SORCS3: variants seen among roughly 807,000 people sequenced by gnomAD.
SORCS3 encodes sortilin related VPS10 domain containing receptor 3, also known as VPS10 domain-containing receptor SorCS3.
In SORCS3, 57 loss-of-function variants were observed where a neutral mutation model predicts 146.3. The ratio of observed to expected loss-of-function variants is 0.39; its 90% confidence interval spans 0.31 to 0.49. The LOEUF (loss-of-function observed/expected upper bound fraction) is 0.49. Ranked by LOEUF, SORCS3 falls within the 20% of genes least tolerant of loss-of-function variation. The pLI, the probability that SORCS3 is intolerant of heterozygous loss-of-function variation, is 0.92. For missense variants in SORCS3, 1,341 were observed against 1,575.5 expected, an observed-to-expected ratio of 0.85 and a Z score of 2.52; for synonymous variants, 653 against 618.5, an observed-to-expected ratio of 1.06 and a Z score of -0.83.
Position 105,234,162 on chromosome 10 carries a change from T to A in SORCS3, c.2868+10913T>A, listed in dbSNP as rs1026425167. The stretch of plus-strand genomic sequence containing the variant: ...TGCAGGGTACGGAATTCTAGATTGG[T>A]GGTGTTTTTTTCCCTCAACCCTTTA... On this transcript the variant is annotated intron_variant, in intron 20 of 26. Coordinates refer to ENST00000369701, the MANE Select transcript of SORCS3 (RefSeq NM_014978.3). Among the ~76,000 whole-genome samples the A allele has an allele frequency of 3.3e-5, 5 of 152,200 alleles. No individual in the cohort carries two copies. The East Asian group carries it at 9.6e-4, about 29-fold the overall frequency.
chr10:104,768,199 C>G (rs1212634341), intron 1 of SORCS3, among the ~76,000 whole-genome samples: 1 of 152,208 alleles, frequency 6.6e-6, no homozygotes, highest in Non-Finnish European at 1.5e-5. Context: ...TGCACAGAAT[C>G]TAACTCCATA....
intron 3 of SORCS3, among the ~76,000 whole-genome samples, chr10:104,930,608 C>G (rs534257994): frequency 6.6e-6 from 1 of 152,294 alleles, no homozygotes; most frequent in Non-Finnish European, 1.5e-5. Flanking sequence ...AGTAAATAGC[C>G]TTTGGAAAAT....
intron 1 of SORCS3, among the ~76,000 whole-genome samples, chr10:104,827,614 G>A (rs1272091476): frequency 6.6e-6 from 1 of 152,118 alleles, no homozygotes; most frequent in Non-Finnish European, 1.5e-5. Flanking sequence ...AAGGGCCCTA[G>A]GATTTTTGGA....
intron 1 of SORCS3, among the ~76,000 whole-genome samples, chr10:104,832,058 T>G (rs1157332616): frequency 6.6e-6 from 1 of 152,226 alleles, no homozygotes; most frequent in African/African-American, 2.4e-5. Flanking sequence ...GTATTTCTTT[T>G]GCCCTTAGCA....
intron 14 of SORCS3, among the ~76,000 whole-genome samples, chr10:105,181,340 G>A (rs2056441512): frequency 6.6e-6 from 1 of 152,152 alleles, no homozygotes; most frequent in Admixed American, 6.5e-5. Context: ...ATGGGGGCTG[G>A]GGTTGGATAG....
intron 1 of SORCS3, among the ~76,000 whole-genome samples, chr10:104,830,030 G>A (rs751507502): frequency 7.2e-5 from 11 of 152,124 alleles, no homozygotes; most frequent in East Asian, 1.9e-4. Flanking sequence ...TTAGGTATTC[G>A]TCCTAATGTT....
In SORCS3 at chr10:104,842,782, C is replaced by G; in HGVS notation, c.628-10C>G. The G allele has an allele frequency of 6.2e-7, 1 of 1,612,792 alleles. No individual in the cohort carries two copies. Among genetic ancestry groups the G allele is most frequent in the Non-Finnish European group, 8.5e-7 (1 of 1,178,900 alleles). On this transcript the variant is annotated splice_polypyrimidine_tract_variant and intron_variant, in intron 1 of 26. Coordinates refer to ENST00000369701, the MANE Select transcript of SORCS3 (RefSeq NM_014978.3). The stretch of plus-strand genomic sequence containing the variant: ...TCCTCTCCTTTGCCCTTATCCCCAA[C>G]CCCTTGCAGGTCATACTTATCCTGA...
At chr10:105,075,651 C>T (rs183958857) in intron 5 of SORCS3, among the ~76,000 whole-genome samples, 4 of 152,106 alleles carry the variant, frequency 2.6e-5, no homozygotes, top group South Asian at 2.1e-4. Context: ...AGAAGGGGGG[C>T]GAGAAGGGGT....
chr10:104,735,143 G>A (rs1408681149), intron 1 of SORCS3, among the ~76,000 whole-genome samples: 1 of 152,172 alleles, frequency 6.6e-6, no homozygotes, highest in Admixed American at 6.5e-5. Context: ...GTTCCCTGCC[G>A]CTTGCCTTTC....
chr10:104,789,932 T>C (rs1378395574), intron 1 of SORCS3, among the ~76,000 whole-genome samples: 1 of 152,216 alleles, frequency 6.6e-6, no homozygotes, highest in Non-Finnish European at 1.5e-5. Flanking sequence ...ATTCAGGACT[T>C]TCTCTTCCTC....
At chr10:105,037,289 C>T (rs2055312965) in intron 4 of SORCS3, among the ~76,000 whole-genome samples, 2 of 152,226 alleles carry the variant, frequency 1.3e-5, no homozygotes, top group Non-Finnish European at 2.9e-5. Flanking sequence ...ATTGCTGTCT[C>T]TCTCCAGACT....
chr10:105,158,151 G>A (rs916178513), intron 10 of SORCS3, among the ~76,000 whole-genome samples: 1 of 152,108 alleles, frequency 6.6e-6, no homozygotes, highest in Admixed American at 6.6e-5. Context: ...ATTGGTCACA[G>A]CATGCATTTT....
At chr10:105,150,544 C>T (rs554307008) in intron 9 of SORCS3, among the ~76,000 whole-genome samples, 25 of 152,082 alleles carry the variant, frequency 1.6e-4, no homozygotes, top group African/African-American at 5.1e-4. Context: ...GCATTCCAAA[C>T]GTAGGAATGG....
At chr10:104,855,629 C>T (rs12259189) in intron 2 of SORCS3, among the ~76,000 whole-genome samples, 27,588 of 152,056 alleles carry the variant, frequency 0.18, 5,678 homozygotes, top group African/African-American at 0.51. Context: ...TTTATTGCAA[C>T]TGACCAGAAA....
intron 14 of SORCS3, among the ~76,000 whole-genome samples, chr10:105,194,792 G>T (rs548633863): frequency 1.7e-4 from 26 of 152,118 alleles, no homozygotes; most frequent in African/African-American, 6.3e-4. Flanking sequence ...CTAGATTGAT[G>T]GTCTGGGTAA....
At chr10:104,977,215 C>G (rs2054904256) in intron 3 of SORCS3, 120 bp from the exon 4 acceptor site, 1 of 680,770 alleles carries the variant, frequency 1.5e-6, no homozygotes, top group Non-Finnish European at 2.1e-6. Context: ...TTACAGAGGC[C>G]CAGATGCTCC....
chr10:105,061,197 T>C (rs1322190348), intron 5 of SORCS3, among the ~76,000 whole-genome samples: 1 of 152,070 alleles, frequency 6.6e-6, no homozygotes, highest in Non-Finnish European at 1.5e-5. Flanking sequence ...GTATCATTTC[T>C]CCCAGGGTAA....
intron 16 of SORCS3, among the ~76,000 whole-genome samples, chr10:105,206,983 C>T (rs1330097186): frequency 6.6e-6 from 1 of 152,056 alleles, no homozygotes; most frequent in East Asian, 1.9e-4. Flanking sequence ...GGTCTGAGAG[C>T]CCCTGCAGCT....
chr10:104,965,519 AT>A (rs1424895948), intron 3 of SORCS3, among the ~76,000 whole-genome samples: 2 of 152,144 alleles, frequency 1.3e-5, no homozygotes, highest in Non-Finnish European at 2.9e-5. Flanking sequence ...TGGCTGCACC[AT>A]TTTTTGTTCC....
Sources: allele counts gnomAD v4.1 joint callset (sites outside exome capture counted in the v4.1 genomes callset), GRCh38; gene constraint gnomAD v4.1.1; transcripts MANE v1.5; gene names NCBI Gene and HGNC (gene_info 2026-07-23, HGNC 2026-07-21).